The following CPD variants were observed in gnomAD, a reference collection of about 807,000 sequenced individuals.
CPD encodes the protein metallocarboxypeptidase D.
CPD carries 69 observed loss-of-function variants against 138.3 expected under a neutral mutation model. The observed-to-expected ratio is 0.50, with a 90% CI of 0.41 to 0.61. The LOEUF is 0.61. Among genes scored for constraint, CPD ranks in the 20% least tolerant of loss-of-function variants. CPD has a pLI of 0.00. For synonymous variants in CPD, 651 were observed against 642.1 expected (o/e 1.01, Z -0.21); for missense variants, 1,432 against 1,733.3 (o/e 0.83, Z 3.09).
intron 7 of CPD, among the ~76,000 whole-genome samples, chr17:30,430,548 C>T (rs1050059446): frequency 3.9e-5 from 6 of 152,140 alleles, no homozygotes; most frequent in Non-Finnish European, 8.8e-5. Flanking sequence ...TATCCATTTA[C>T]GTACTGATGG....
chr17:30,396,272 G>C (rs1040918409), intron 2 of CPD, among the ~76,000 whole-genome samples: 41 of 152,108 alleles, frequency 2.7e-4, no homozygotes, highest in African/African-American at 9.4e-4. Flanking sequence ...ACTTTAAAAT[G>C]CTTTTCCTAT....
At chr17:30,451,075 C>T (rs1285845180) in intron 13 of CPD, among the ~76,000 whole-genome samples, 1 of 152,118 alleles carries the variant, frequency 6.6e-6, no homozygotes, top group Non-Finnish European at 1.5e-5. Context: ...GTCATTATAT[C>T]CTCAACCCTG....
At chr17:30,381,574 T>A (rs1567863510) in intron 1 of CPD, among the ~76,000 whole-genome samples, 4 of 152,192 alleles carry the variant, frequency 2.6e-5, no homozygotes, top group Non-Finnish European at 5.9e-5. Flanking sequence ...CCTAACTCAG[T>A]CTTCAAGAAT....
In CPD at chr17:30,401,139, T is replaced by G. The variant is rs539091072; in HGVS notation, c.994+15903T>G. On this transcript the variant is annotated intron_variant, in intron 2 of 20. Transcript: ENST00000225719. ...CTGAGAAATTCAGTCATTTGAATTT[T>G]TCTTCCCCTTTATACGCACATCATT... 2.6e-5 allele frequency among the ~76,000 whole-genome samples: 4 copies of G among 152,312 alleles called. No individual in the cohort carries two copies. In the East Asian group the frequency reaches 7.7e-4, roughly 29 times the overall value.
At position 30,427,491 on chromosome 17, in the gene CPD, A is replaced by T. The variant is rs1912448581; in HGVS notation, c.1950A>T (p.Pro650=). The stretch of plus-strand genomic sequence containing the variant: ...TTCAGATCACAGATCCTACGCAACC[A>T]GAAACTATTGCTGTAATGAGCTGGA... The part of the protein sequence containing the change: ...QFVQITDPTQ[P]ETIAVMSWMK... Residue 650 remains proline, a synonymous_variant, in exon 7 of 21, where the codon CCA becomes CCT. Transcript: ENST00000225719. The T allele has an allele frequency of 6.2e-7, 1 of 1,614,182 alleles. No homozygotes were observed. Among genetic ancestry groups the T allele is most frequent in the African/African-American group, 1.3e-5 (1 of 75,050 alleles).
chr17:30,462,177 A>T (rs1433675358), intron 19 of CPD, 115 bp downstream of exon 19: 2 of 1,132,530 alleles, frequency 1.8e-6, no homozygotes, highest in Non-Finnish European at 2.5e-6. Context: ...TAAAAGTGTG[A>T]CTGCCTCTTG....
intron 7 of CPD, 137 bp from the exon 8 acceptor site, chr17:30,431,635 A>T: frequency 3.2e-6 from 2 of 633,478 alleles, no homozygotes; most frequent in Non-Finnish European, 5.5e-6. Flanking sequence ...AATTAGTGTA[A>T]TTTTCATTTC....
At chr17:30,449,808 G>C in intron 13 of CPD, 60 bp downstream of exon 13, 2 of 1,421,546 alleles carry the variant, frequency 1.4e-6, no homozygotes, top group Non-Finnish European at 1.9e-6. Flanking sequence ...TTAATATCAG[G>C]GCACCATTTT....
At chr17:30,421,545 T>G in intron 3 of CPD, 119 bp from the exon 4 acceptor site, 1 of 796,840 alleles carries the variant, frequency 1.3e-6, no homozygotes, top group South Asian at 1.7e-5. Flanking sequence ...TGAAAATGTT[T>G]TGGGGGAGAG....
rs777705862 is a variant in CPD, at chr17:30,455,324, T to G, written c.3206-15T>G. The stretch of plus-strand genomic sequence containing the variant: ...TAAAATTTGATATTTTATATTTGAC[T>G]TTTCTCTTTTTTAGATAATGCCTCC... On this transcript the variant is annotated splice_polypyrimidine_tract_variant and intron_variant, in intron 14 of 20. Transcript: ENST00000225719. 1 of 1,585,860 alleles carries G rather than the reference T, an allele frequency of 6.3e-7. No homozygotes were observed. The highest frequency in any genetic ancestry group is 8.6e-7 in the Non-Finnish European group (1 of 1,168,712).
intron 2 of CPD, among the ~76,000 whole-genome samples, chr17:30,404,694 A>G (rs1199303341): frequency 7.0e-6 from 1 of 142,772 alleles, no homozygotes; most frequent in Admixed American, 7.1e-5. Flanking sequence ...ATGTTCTATA[A>G]TCCTTTGTCA....
rs574944148 is a variant in CPD, at chr17:30,397,582, A to C, written c.994+12346A>C. 2.5e-3 allele frequency among the ~76,000 whole-genome samples: 374 copies of C among 151,826 alleles called. 1 individual carries two copies. The highest frequency in any genetic ancestry group is 8.6e-3 in the African/African-American group (357 of 41,474). ...ATATGTCTCTACAAAAAGTAAAAAT[A>C]AAAAAATTAGCCAGGCATGGTGGTG... On this transcript the variant is annotated intron_variant, in intron 2 of 20. Coordinates refer to ENST00000225719, the MANE Select transcript of CPD (RefSeq NM_001304.5).
intron 2 of CPD, among the ~76,000 whole-genome samples, chr17:30,408,547 G>C (rs1312293822): frequency 1.3e-5 from 2 of 152,006 alleles, no homozygotes; most frequent in African/African-American, 4.8e-5. Context: ...GTATTCCTAG[G>C]TATTTTATTC....
At chr17:30,408,136 G>C (rs1418841675) in intron 2 of CPD, among the ~76,000 whole-genome samples, 1 of 152,096 alleles carries the variant, frequency 6.6e-6, no homozygotes, top group Non-Finnish European at 1.5e-5. Flanking sequence ...TAGATGTGTG[G>C]TGTTATTTCT....
rs1469656812 is a variant in CPD at position 30,431,765 on chromosome 17, C to T, written c.2018-7C>T. 7.6e-6 allele frequency: 12 copies of T among 1,586,928 alleles called. No homozygotes were observed. Among genetic ancestry groups the T allele is most frequent in the Non-Finnish European group, 9.5e-6 (11 of 1,157,130 alleles). ...AACATGATACATTTTCCTCTTTTCC[C>T]TTATAGGTTCTTTGGTGGTTAACTA... On this transcript the variant is annotated splice_polypyrimidine_tract_variant and splice_region_variant and intron_variant, in intron 7 of 20. Transcript: ENST00000225719.
At chr17:30,381,770 A>T (rs539231294) in intron 1 of CPD, among the ~76,000 whole-genome samples, 25 of 152,280 alleles carry the variant, frequency 1.6e-4, no homozygotes, top group African/African-American at 4.6e-4. Flanking sequence ...TTTTCAGTGT[A>T]TTTTGTGAGG....
chr17:30,439,368 C>CTTTTTTT (rs71138888), intron 9 of CPD, among the ~76,000 whole-genome samples: 1 of 140,860 alleles, frequency 7.1e-6, no homozygotes, highest in Non-Finnish European at 1.5e-5. Context: ...TATTTGAATT[C>CTTTTTTT]TTTTTTTTCT....
chr17:30,455,348 C>A lies in CPD; in HGVS notation c.3215C>A (p.Ser1072Tyr). 3.1e-6 allele frequency: 5 copies of A among 1,608,862 alleles called. No homozygotes were observed. Among genetic ancestry groups the A allele is most frequent in the Non-Finnish European group, 4.2e-6 (5 of 1,178,332 alleles). Residue 1072 changes from serine to tyrosine, a missense_variant, in exon 15 of 21, where the codon TCC becomes TAC. This residue lies in a region of CPD where 366 missense variants were observed against 518.8 expected (regional missense o/e 0.71). Coordinates refer to ENST00000225719, the MANE Select transcript of CPD (RefSeq NM_001304.5). The stretch of plus-strand genomic sequence containing the variant: ...CTTTTCTCTTTTTTAGATAATGCCT[C>A]CCAACCTGAGACCAAAGCCATCATT... ...DLDTDFTNNA[S>Y]QPETKAIIEN...
intron 18 of CPD, 90 bp from the exon 19 acceptor site, chr17:30,461,787 T>TTTGG (rs1042249223): frequency 9.7e-5 from 96 of 994,136 alleles, no homozygotes; most frequent in Non-Finnish European, 1.3e-4. Context: ...TGTTTGTTTG[T>TTTGG]TTGGTTGGTT....
Sources: gnomAD v4.1 joint callset for allele counts (sites outside exome capture counted in the v4.1 genomes callset) on GRCh38, gnomAD v4.1.1 for gene constraint, gnomAD v4.1.1 regional missense constraint, MANE v1.5 for transcripts, NCBI Gene and HGNC (gene_info 2026-07-23, HGNC 2026-07-21) for gene names.